MAPKAP1: variants seen among roughly 807,000 people sequenced by gnomAD.
The protein encoded by MAPKAP1 is MAPK associated protein 1.
MAPKAP1 carries 20 observed loss-of-function variants against 65.7 expected under a neutral mutation model. The observed-to-expected ratio is 0.30, with a 90% CI of 0.21 to 0.44. MAPKAP1 has a LOEUF of 0.44. Among genes scored for constraint, MAPKAP1 ranks in the 20% least tolerant of loss-of-function variants. The pLI is 1.00. For synonymous variants in MAPKAP1, 222 were observed against 244.3 expected (o/e 0.91, Z 0.85); for missense variants, 423 against 648.0 (o/e 0.65, Z 3.77).
At chr9:125,644,929 T>A (rs974334248) in intron 4 of MAPKAP1, among the ~76,000 whole-genome samples, 3 of 152,220 alleles carry the variant, frequency 2.0e-5, no homozygotes, top group Non-Finnish European at 4.4e-5. Flanking sequence ...TGTGTTTTTT[T>A]AATATATTCA....
intron 4 of MAPKAP1, among the ~76,000 whole-genome samples, chr9:125,622,795 G>A (rs1398653599): frequency 6.7e-6 from 1 of 149,566 alleles, no homozygotes; most frequent in Non-Finnish European, 1.5e-5. Context: ...CAAGGGAGAG[G>A]CTCTCCCCTC....
intron 4 of MAPKAP1, among the ~76,000 whole-genome samples, chr9:125,606,640 A>C (rs985590131): frequency 7.9e-5 from 12 of 152,348 alleles, no homozygotes; most frequent in Admixed American, 7.2e-4. Context: ...GGTTGAAGGC[A>C]GAGTCTAGGT....
chr9:125,462,230 G>A (rs953683479), intron 10 of MAPKAP1, among the ~76,000 whole-genome samples: 1 of 152,224 alleles, frequency 6.6e-6, no homozygotes, highest in Non-Finnish European at 1.5e-5. Flanking sequence ...GGTGATTTCA[G>A]TAACAAGCAT....
At chr9:125,572,746 T>C (rs1485717698) in intron 5 of MAPKAP1, 1 of 152,242 alleles carries the variant, frequency 6.6e-6, no homozygotes. Context: ...GCCCAGTTCA[T>C]GTAAAGCCTT....
intron 1 of MAPKAP1, among the ~76,000 whole-genome samples, chr9:125,684,862 C>T (rs866138922): frequency 3.9e-5 from 6 of 152,148 alleles, no homozygotes; most frequent in Non-Finnish European, 8.8e-5. Flanking sequence ...TTTGCAGAGA[C>T]AAGGTCTCAC....
chr9:125,560,190 AAT>A (rs1180873820), intron 5 of MAPKAP1, among the ~76,000 whole-genome samples: 1 of 152,150 alleles, frequency 6.6e-6, no homozygotes, highest in Non-Finnish European at 1.5e-5. Context: ...AAATGTAAAA[AAT>A]ATATATATAA....
At chr9:125,488,225 T>C (rs1293009386) in intron 8 of MAPKAP1, among the ~76,000 whole-genome samples, 2 of 152,186 alleles carry the variant, frequency 1.3e-5, no homozygotes, top group Non-Finnish European at 2.9e-5. Context: ...TCTGTGTTTA[T>C]GATCAGAAGG....
At chr9:125,684,281 C>G (rs1047711651) in intron 1 of MAPKAP1, among the ~76,000 whole-genome samples, 5 of 152,136 alleles carry the variant, frequency 3.3e-5, no homozygotes, top group African/African-American at 1.2e-4. Context: ...TTTAAGCAAT[C>G]AATATCTGGA....
intron 4 of MAPKAP1, among the ~76,000 whole-genome samples, chr9:125,620,309 T>G (rs1832859897): frequency 6.6e-6 from 1 of 152,076 alleles, no homozygotes; most frequent in Non-Finnish European, 1.5e-5. Flanking sequence ...AAAAAAATTA[T>G]ACAGATTCAT....
At chr9:125,532,332 T>C (rs1829957358) in intron 7 of MAPKAP1, among the ~76,000 whole-genome samples, 1 of 152,344 alleles carries the variant, frequency 6.6e-6, no homozygotes, top group South Asian at 2.1e-4. Context: ...ATTCAGTAGA[T>C]GTAATCAAAA....
intron 6 of MAPKAP1, among the ~76,000 whole-genome samples, chr9:125,546,245 C>T (rs576991125): frequency 2.6e-5 from 4 of 152,262 alleles, no homozygotes; most frequent in South Asian, 2.1e-4. Context: ...AAAACGTGCA[C>T]GTTAAAAGGA....
At chr9:125,480,592 C>T (rs1049985177) in intron 9 of MAPKAP1, among the ~76,000 whole-genome samples, 2 of 152,158 alleles carry the variant, frequency 1.3e-5, no homozygotes, top group Non-Finnish European at 2.9e-5. Context: ...TTAATACTTT[C>T]AAGATGGTGG....
At chr9:125,598,121 A>G (rs1008928446) in intron 4 of MAPKAP1, among the ~76,000 whole-genome samples, 3 of 151,822 alleles carry the variant, frequency 2.0e-5, no homozygotes, top group Admixed American at 2.0e-4. Flanking sequence ...TTTTGATCTT[A>G]ATAAAATTCT....
rs757231453 is a variant in MAPKAP1 at position 125,505,911 on chromosome 9, C to G, written c.1066+399G>C. 32 of 231,146 alleles carry G rather than the reference C, an allele frequency of 1.4e-4. 1 individual carries two copies. The Middle Eastern group carries it at 8.7e-3, about 62-fold the overall frequency. 14.3% of individuals were successfully genotyped at this position (231,146 alleles called of 1,614,324 possible). A position where few individuals can be genotyped will look rare whatever the true frequency, so the allele number is the denominator to read the frequency against. ...ATAGCATAAGGAATCACTACACTGC[C>G]TCCTGCTAGAATATGCAAATGGTTA... On this transcript the variant is annotated intron_variant, in intron 8 of 11. Coordinates refer to ENST00000265960, the MANE Select transcript of MAPKAP1 (RefSeq NM_001006617.3).
chr9:125,703,965 A>T (rs888873791), intron 1 of MAPKAP1, among the ~76,000 whole-genome samples: 1 of 152,110 alleles, frequency 6.6e-6, no homozygotes, highest in African/African-American at 2.4e-5. Flanking sequence ...AATAAGCAAA[A>T]CAAGCTCCCC....
At chr9:125,692,524 T>C (rs1835201094) in intron 1 of MAPKAP1, among the ~76,000 whole-genome samples, 1 of 152,210 alleles carries the variant, frequency 6.6e-6, no homozygotes, top group African/African-American at 2.4e-5. Context: ...TTAATGAATA[T>C]GAGATTTCTT....
chr9:125,640,325 G>A (rs564103152), intron 4 of MAPKAP1, among the ~76,000 whole-genome samples: 2 of 151,766 alleles, frequency 1.3e-5, no homozygotes, highest in Admixed American at 6.6e-5. Context: ...GGATGGTCTC[G>A]ATCTTCTGAC....
intron 4 of MAPKAP1, among the ~76,000 whole-genome samples, chr9:125,622,062 CAT>C (rs1243003043): frequency 6.6e-6 from 1 of 152,096 alleles, no homozygotes; most frequent in Non-Finnish European, 1.5e-5. Context: ...TGTTCTCACT[CAT>C]ATGTGGGAGC....
chr9:125,686,311 CAA>C (rs35807247), intron 1 of MAPKAP1, among the ~76,000 whole-genome samples: 65 of 56,898 alleles, frequency 1.1e-3, no homozygotes, highest in African/African-American at 2.7e-3. Flanking sequence ...GACTCTGTCT[CAA>C]AAAAAAAAAA....
Sources: gnomAD v4.1 joint callset for allele counts (sites outside exome capture counted in the v4.1 genomes callset) on GRCh38, gnomAD v4.1.1 for gene constraint, MANE v1.5 for transcripts, NCBI Gene and HGNC (gene_info 2026-07-23, HGNC 2026-07-21) for gene names.